Variants in ZC3H12B observed in about 807,000 individuals in gnomAD.
ZC3H12B encodes zinc finger CCCH-type containing 12B, also known as probable ribonuclease ZC3H12B.
In ZC3H12B, 7 loss-of-function variants were observed where a neutral mutation model predicts 43.9. That is an observed-to-expected ratio of 0.16 (90% CI 0.09 to 0.30). The LOEUF (loss-of-function observed/expected upper bound fraction) is 0.30, where lower values mean the gene tolerates loss of function less well. Among genes scored for constraint, ZC3H12B ranks in the 10% least tolerant of loss-of-function variants. ZC3H12B has a pLI of 1.00. For synonymous variants in ZC3H12B, 222 were observed against 241.7 expected, an observed-to-expected ratio of 0.92 and a Z score of 0.76; for missense variants, 475 against 670.2, an observed-to-expected ratio of 0.71 and a Z score of 3.22.
the ZC3H12B span, among the ~76,000 whole-genome samples, chrX:65,250,032 C>T: frequency 4.5e-5 from 5 of 110,185 alleles, no homozygotes; most frequent in Admixed American, 2.9e-4. Context: ...TGGTGTGCTG[C>T]ATTCATTATC....
the ZC3H12B span, among the ~76,000 whole-genome samples, chrX:65,056,235 A>G: frequency 9.0e-6 from 1 of 111,109 alleles, no homozygotes; most frequent in East Asian, 2.8e-4. Flanking sequence ...TTAGTGGTAT[A>G]AGTTTCCCTC....
chrX:65,158,235 G>C, the ZC3H12B span, among the ~76,000 whole-genome samples: 1 of 110,176 alleles, frequency 9.1e-6, no homozygotes. Flanking sequence ...ATAAACATAC[G>C]TGTGTATGTG....
the ZC3H12B span, among the ~76,000 whole-genome samples, chrX:65,194,696 C>T: frequency 2.7e-5 from 3 of 111,762 alleles, no homozygotes; most frequent in Non-Finnish European, 5.6e-5. Context: ...TCTTTTTAGT[C>T]GATAGTGCAG....
chrX:65,482,222 A>G (rs183002031), intron 3 of ZC3H12B, among the ~76,000 whole-genome samples: 6 of 111,395 alleles, frequency 5.4e-5, no homozygotes, highest in Admixed American at 2.9e-4. Context: ...TTATAGAATG[A>G]CATAGCCATA....
At chrX:65,056,009 T>C in the ZC3H12B span, among the ~76,000 whole-genome samples, 1 of 111,920 alleles carries the variant, frequency 8.9e-6, no homozygotes, top group Non-Finnish European at 1.9e-5. Flanking sequence ...TAGCAGTCTA[T>C]CAATTTTGTT....
chrX:65,224,519 G>T, the ZC3H12B span, among the ~76,000 whole-genome samples: 1 of 112,624 alleles, frequency 8.9e-6, no homozygotes, highest in African/African-American at 3.2e-5. Context: ...CCAGACAGTG[G>T]GCGCAGGACA....
the ZC3H12B span, among the ~76,000 whole-genome samples, chrX:65,214,802 A>G: frequency 8.9e-6 from 1 of 111,906 alleles, no homozygotes; most frequent in Non-Finnish European, 1.9e-5. Flanking sequence ...AAGGTGCATC[A>G]GAGGAATCAC....
At chrX:65,264,928 A>T in the ZC3H12B span, among the ~76,000 whole-genome samples, 2 of 111,621 alleles carry the variant, frequency 1.8e-5, no homozygotes, top group African/African-American at 6.5e-5. Context: ...TGAATACAGC[A>T]TCAGACCATT....
At chrX:65,451,492 AT>A (rs979510489) in intron 3 of ZC3H12B, among the ~76,000 whole-genome samples, 1 of 109,650 alleles carries the variant, frequency 9.1e-6, no homozygotes, top group African/African-American at 3.3e-5. Context: ...GTTCCTTTTT[AT>A]TTTTTCTTTA....
chrX:65,135,786 C>G, the ZC3H12B span, among the ~76,000 whole-genome samples: 5 of 84,490 alleles, frequency 5.9e-5, no homozygotes, highest in African/African-American at 1.0e-4. Context: ...TTTCTGCCTT[C>G]CAGTTTACTG....
the ZC3H12B span, among the ~76,000 whole-genome samples, chrX:65,211,118 G>A: frequency 1.0e-5 from 1 of 97,822 alleles, no homozygotes; most frequent in Non-Finnish European, 2.0e-5. Context: ...CTTTTGAGAA[G>A]TGTCTGTTCA....
the ZC3H12B span, among the ~76,000 whole-genome samples, chrX:65,154,400 G>A: frequency 9.0e-6 from 1 of 111,659 alleles, no homozygotes; most frequent in South Asian, 3.7e-4. Flanking sequence ...TGAGAAGTGT[G>A]TTACAGTTTA....
the ZC3H12B span, among the ~76,000 whole-genome samples, chrX:65,167,076 G>C: frequency 8.9e-6 from 1 of 111,905 alleles, no homozygotes; most frequent in Non-Finnish European, 1.9e-5. Flanking sequence ...TCTGGCTTTT[G>C]TTGCCGTTGC....
chrX:65,304,572 C>T, the ZC3H12B span, among the ~76,000 whole-genome samples: 1 of 106,918 alleles, frequency 9.4e-6, no homozygotes, highest in African/African-American at 3.4e-5. Context: ...GCCAAGATCG[C>T]TCCACTGCAC....
chrX:65,072,958 C>T, the ZC3H12B span, among the ~76,000 whole-genome samples: 5 of 112,486 alleles, frequency 4.4e-5, no homozygotes, highest in Non-Finnish European at 9.4e-5. Flanking sequence ...GTGTGTGCCC[C>T]CTTTGCACAT....
At chrX:65,074,650 C>T in the ZC3H12B span, among the ~76,000 whole-genome samples, 1 of 111,662 alleles carries the variant, frequency 9.0e-6, no homozygotes, top group Non-Finnish European at 1.9e-5. Flanking sequence ...AGACTTTCTG[C>T]ACTTCTTTTT....
At chrX:65,118,046 C>T in the ZC3H12B span, among the ~76,000 whole-genome samples, 1 of 111,677 alleles carries the variant, frequency 9.0e-6, no homozygotes, top group Non-Finnish European at 1.9e-5. Context: ...GCAATGTGGG[C>T]TCTTTTTTGG....
intron 1 of ZC3H12B, 135 bp from the exon 7 acceptor site, chrX:65,496,997 G>T: frequency 1.4e-5 from 6 of 427,647 alleles, no homozygotes; most frequent in Non-Finnish European, 2.1e-5. Flanking sequence ...GCAAAAGGAA[G>T]AAAGAAAGAG....
At chrX:65,232,733 C>A in the ZC3H12B span, among the ~76,000 whole-genome samples, 1 of 110,772 alleles carries the variant, frequency 9.0e-6, no homozygotes. Context: ...GGTAGTAAGT[C>A]CTTACATATC....
Sources: gnomAD v4.1 joint callset for allele counts (sites outside exome capture counted in the v4.1 genomes callset) on GRCh38, gnomAD v4.1.1 for gene constraint, MANE v1.5 for transcripts, NCBI Gene and HGNC (gene_info 2026-07-23, HGNC 2026-07-21) for gene names.